Variants in ALDH2 observed in about 807,000 individuals in gnomAD.
The protein encoded by ALDH2 is aldehyde dehydrogenase 2 family member.
Under a neutral mutation model 59.6 loss-of-function variants are expected in ALDH2, and 44 were observed. That is an observed-to-expected ratio of 0.74 (90% confidence interval 0.58 to 0.95). ALDH2 has a LOEUF of 0.95. ALDH2 is among the 40% of genes least tolerant of loss of function. The pLI is 0.00. For missense variants in ALDH2, 570 were observed against 696.3 expected, an observed-to-expected ratio of 0.82 and a Z score of 2.04; for synonymous variants, 291 against 284.0, an observed-to-expected ratio of 1.02 and a Z score of -0.25.
chr12:111,786,512 AG>A (rs2068310571), intron 4 of ALDH2, among the ~76,000 whole-genome samples: 1 of 150,492 alleles, frequency 6.6e-6, no homozygotes. Flanking sequence ...CTGAGATTAG[AG>A]GCGTGAGCCA....
intron 10 of ALDH2, among the ~76,000 whole-genome samples, 175 bp downstream of exon 10, chr12:111,798,417 C>G (rs1371881986): frequency 6.6e-6 from 1 of 152,148 alleles, no homozygotes; most frequent in Non-Finnish European, 1.5e-5. Context: ...TCTTGTCCCT[C>G]CTCTTCAGCT....
In ALDH2 at chr12:111,817,472, C is replaced by T. The variant is rs1283876813; in HGVS notation, c.*7897C>T. On this transcript the variant is annotated 3_prime_UTR_variant, in exon 13 of 13. Transcript: ENST00000261733. The stretch of plus-strand genomic sequence containing the variant: ...TACAGGTCAATTGGATATTGTTTAC[C>T]TGGAGCTGGTCCTTCTTAGTTGCCA... The T allele has an allele frequency of 2.0e-5, 3 of 152,158 alleles. No individual in the cohort carries two copies. Among genetic ancestry groups the T allele is most frequent in the Non-Finnish European group, 4.4e-5 (3 of 68,040 alleles). 9.4% of individuals were successfully genotyped at this position (152,158 alleles called of 1,614,324 possible).
intron 6 of ALDH2, 74 bp from the exon 7 acceptor site, chr12:111,791,232 G>T (rs2068356169): frequency 1.8e-6 from 2 of 1,121,860 alleles, no homozygotes; most frequent in Non-Finnish European, 2.7e-6. Flanking sequence ...TCTGAGAAAG[G>T]ATGTGTCTTC....
Position 111,789,878 on chromosome 12 carries a change from G to A in ALDH2, c.496G>A (p.Asp166Asn), listed in dbSNP as rs1289076687. 1 of 1,614,088 alleles carries A rather than the reference G, an allele frequency of 6.2e-7. No homozygotes were observed. Among genetic ancestry groups the A allele is most frequent in the South Asian group, 1.1e-5 (1 of 91,088 alleles). ...CGGGAAAACCATCCCCATTGACGGA[G>A]ACTTCTTCAGCTACACACGCCATGA... ...YHGKTIPIDG[D>N]FFSYTRHEPV... The change falls in exon 5 of 13, where the codon GAC becomes AAC. Residue 166 changes from aspartate (D) to asparagine (N), a missense_variant. Coordinates refer to ENST00000261733, the MANE Select transcript of ALDH2 (RefSeq NM_000690.4).
intron 12 of ALDH2, among the ~76,000 whole-genome samples, chr12:111,808,108 C>T (rs1395861310): frequency 6.6e-6 from 1 of 152,044 alleles, no homozygotes; most frequent in Non-Finnish European, 1.5e-5. Flanking sequence ...CTCCTGGCCT[C>T]AAGTAATCTG....
At chr12:111,770,810 A>C (rs1020007521) in intron 1 of ALDH2, among the ~76,000 whole-genome samples, 9 of 151,916 alleles carry the variant, frequency 5.9e-5, no homozygotes, top group African/African-American at 2.2e-4. Context: ...ACGCCTGGCT[A>C]ATTTTTTTGT....
intron 1 of ALDH2, among the ~76,000 whole-genome samples, chr12:111,772,452 C>A (rs1387039961): frequency 6.6e-6 from 1 of 150,832 alleles, no homozygotes; most frequent in Non-Finnish European, 1.5e-5. Context: ...GCAACCTCTG[C>A]CTCCCGGGTT....
At chr12:111,798,467 T>C (rs748100328) in intron 10 of ALDH2, among the ~76,000 whole-genome samples, 41 of 152,270 alleles carry the variant, frequency 2.7e-4, no homozygotes, top group Non-Finnish European at 5.4e-4. Context: ...TTCCTCAGCA[T>C]GGCCTGCAGG....
Position 111,783,036 on chromosome 12 carries a change from G to A in ALDH2, c.220-122G>A, listed in dbSNP as rs558237738. 57 of 1,278,310 alleles carry A rather than the reference G, an allele frequency of 4.5e-5. No homozygotes were observed. In the African/African-American group the frequency reaches 4.6e-4, roughly 10 times the overall value. The allele number at this position is 1,278,310 out of a possible 1,614,324, so 79.2% of individuals were successfully genotyped here. ...CTGCCGGGCTAGGAGCATTGTTTAC[G>A]GGGCAGGTTTTCTGTGCAGCGATAT... On this transcript the variant is annotated intron_variant, in intron 2 of 12. Transcript: ENST00000261733.
chr12:111,803,772 TAAAG>T, intron 11 of ALDH2, 83 bp from the exon 12 acceptor site: 1 of 856,280 alleles, frequency 1.2e-6, no homozygotes, highest in Non-Finnish European at 1.6e-6. Context: ...AAAAATAAAA[TAAAG>T]ACTTTGGGGC....
Position 111,768,715 on chromosome 12 carries a change from A to T in ALDH2, c.114+1619A>T, listed in dbSNP as rs2068176717. 2.0e-5 allele frequency among the ~76,000 whole-genome samples: 3 copies of T among 150,812 alleles called. No individual in the cohort carries two copies. In the South Asian group the frequency reaches 6.3e-4, roughly 31 times the overall value. ...GTAAATTAGTTAGGTGCGGTGGCAC[A>T]TGCCTGTAGTCCCAGCTATATGGGA... On this transcript the variant is annotated intron_variant, in intron 1 of 12. Coordinates refer to ENST00000261733, the MANE Select transcript of ALDH2 (RefSeq NM_000690.4).
chr12:111,785,525 A>G (rs939131816), intron 4 of ALDH2, among the ~76,000 whole-genome samples, 179 bp downstream of exon 4: 3 of 152,284 alleles, frequency 2.0e-5, no homozygotes. Flanking sequence ...AGAGTTTGAG[A>G]CCAGCCTGGT....
At chr12:111,788,874 A>T (rs1016726823) in intron 4 of ALDH2, among the ~76,000 whole-genome samples, 2 of 152,084 alleles carry the variant, frequency 1.3e-5, no homozygotes, top group African/African-American at 2.4e-5. Context: ...GCATGGTGAC[A>T]TGTGCCTGTA....
chr12:111,791,803 G>A (rs1162902988), intron 7 of ALDH2, among the ~76,000 whole-genome samples: 2 of 152,254 alleles, frequency 1.3e-5, no homozygotes, highest in African/African-American at 2.4e-5. Flanking sequence ...TTGGAAGGCC[G>A]AGGCAGGAGG....
chr12:111,798,399 G>A (rs1301921182), intron 10 of ALDH2, among the ~76,000 whole-genome samples, 157 bp downstream of exon 10: 1 of 152,160 alleles, frequency 6.6e-6, no homozygotes, highest in Non-Finnish European at 1.5e-5. Context: ...TTCATAGTAT[G>A]TATCTGATCT....
In ALDH2 at chr12:111,766,935, G is replaced by C; in HGVS notation, c.-48G>C. 2 of 1,463,402 alleles carry C rather than the reference G, an allele frequency of 1.4e-6. No homozygotes were observed. The highest frequency in any genetic ancestry group is 1.8e-6 in the Non-Finnish European group (2 of 1,103,350). 90.7% of individuals were successfully genotyped at this position (1,463,402 alleles called of 1,614,324 possible). On this transcript the variant is annotated 5_prime_UTR_variant, in exon 1 of 13. Transcript: ENST00000261733. ...AGCGGGGTCGGCTCAGTGGCCCTGA[G>C]ACCCTAGCTCTGCTCTCGGTCCGCT...
At chr12:111,783,566 G>A (rs1016506463) in intron 3 of ALDH2, among the ~76,000 whole-genome samples, 5 of 152,152 alleles carry the variant, frequency 3.3e-5, no homozygotes, top group African/African-American at 1.2e-4. Context: ...CTGGAGTGCA[G>A]TGGCGACATC....
intron 1 of ALDH2, among the ~76,000 whole-genome samples, chr12:111,774,080 C>A (rs185052213): frequency 6.6e-6 from 1 of 152,116 alleles, no homozygotes; most frequent in Non-Finnish European, 1.5e-5. Flanking sequence ...GTAAGCAGAA[C>A]AAGTTGAAAC....
At chr12:111,795,082 A>C (rs2068392333) in intron 9 of ALDH2, among the ~76,000 whole-genome samples, 1 of 152,162 alleles carries the variant, frequency 6.6e-6, no homozygotes, top group South Asian at 2.1e-4. Flanking sequence ...GGAATCCTAC[A>C]TGGTTCTTTG....
Sources: gnomAD v4.1 joint callset for allele counts (sites outside exome capture counted in the v4.1 genomes callset) on GRCh38, gnomAD v4.1.1 for gene constraint, MANE v1.5 for transcripts, NCBI Gene and HGNC (gene_info 2026-07-23, HGNC 2026-07-21) for gene names.